Variants in KIF15 observed in about 807,000 individuals in gnomAD.
The protein encoded by KIF15 is kinesin-like protein KIF15.
In KIF15, 140 loss-of-function variants were observed where a neutral mutation model predicts 190.6. That is an observed-to-expected ratio of 0.73 (90% CI 0.64 to 0.84). The LOEUF (loss-of-function observed/expected upper bound fraction) is 0.84, where lower values mean the gene tolerates loss of function less well. KIF15 is among the 40% of genes least tolerant of loss of function. The pLI is 0.00. For synonymous variants in KIF15, 528 were observed against 551.3 expected (o/e 0.96, Z 0.59); for missense variants, 1,372 against 1,584.4 (o/e 0.87, Z 2.28).
intron 20 of KIF15, among the ~76,000 whole-genome samples, chr3:44,823,854 A>G (rs1405535989): frequency 1.3e-5 from 2 of 152,170 alleles, no homozygotes; most frequent in East Asian, 1.9e-4. Context: ...ATGCCATTTG[A>G]TAAGACCATT....
chr3:44,784,243 C>T (rs1157292799), intron 5 of KIF15, among the ~76,000 whole-genome samples: 1 of 152,180 alleles, frequency 6.6e-6, no homozygotes, highest in Non-Finnish European at 1.5e-5. Context: ...GCCATCTCGG[C>T]TCACTGCAAG....
intron 19 of KIF15, 141 bp downstream of exon 19, chr3:44,813,321 T>G: frequency 1.1e-5 from 6 of 530,948 alleles, no homozygotes; most frequent in East Asian, 7.0e-5. Flanking sequence ...AGACTGCAGT[T>G]TGCATGCAGT....
chr3:44,776,283 G>A (rs1309401045), intron 3 of KIF15, among the ~76,000 whole-genome samples: 3 of 148,938 alleles, frequency 2.0e-5, no homozygotes, highest in Admixed American at 6.7e-5. Context: ...AATTATGGGC[G>A]TAGTGGCACA....
chr3:44,802,874 A>G lies in KIF15; in HGVS notation c.1570A>G (p.Asn524Asp). 2 of 1,611,694 alleles carry G rather than the reference A, an allele frequency of 1.2e-6. No homozygotes were observed. Among genetic ancestry groups the G allele is most frequent in the Non-Finnish European group, 1.7e-6 (2 of 1,179,438 alleles). Residue 524 changes from asparagine to aspartate, a missense_variant, in exon 14 of 35, where the codon AAT becomes GAT. Coordinates refer to ENST00000326047, the MANE Select transcript of KIF15 (RefSeq NM_020242.3). ...GGAAAATCATTCCCTCAGGGAGGAG[A>G]ATAGAAGACTGAGATTATTAGAGCC... The part of the protein sequence containing the change: ...AMENHSLREE[N>D]RRLRLLEPVK...
chr3:44,773,897 T>C (rs1705749585), intron 1 of KIF15, among the ~76,000 whole-genome samples: 1 of 152,002 alleles, frequency 6.6e-6, no homozygotes. Context: ...AAAAGAACGC[T>C]CTCAATGAAA....
In KIF15 at chr3:44,802,181, C is replaced by G. The variant is rs373860588; in HGVS notation, c.1509+207C>G. ...GAAGGAAGAAGTTGTGGTGACATTG[C>G]TACATAGTATGCTACTCTAGCAGGC... On this transcript the variant is annotated intron_variant, in intron 13 of 34. Transcript: ENST00000326047. 2.2e-4 allele frequency among the ~76,000 whole-genome samples: 33 copies of G among 152,264 alleles called. No homozygotes were observed. The East Asian group carries it at 6.4e-3, about 29-fold the overall frequency.
rs1299883223 is a variant in KIF15, at chr3:44,853,195, C to G, written c.*460C>G. 1 of 152,226 alleles carries G rather than the reference C, an allele frequency of 6.6e-6. No individual in the cohort carries two copies. Among genetic ancestry groups the G allele is most frequent in the Non-Finnish European group, 1.5e-5 (1 of 68,126 alleles). 9.4% of individuals were successfully genotyped at this position (152,226 alleles called of 1,614,324 possible). On this transcript the variant is annotated 3_prime_UTR_variant, in exon 35 of 35. Coordinates refer to ENST00000326047, the MANE Select transcript of KIF15 (RefSeq NM_020242.3). ...AATATAGATTATTTTTGTATTCTTA[C>G]TTTAGGTATTTTCTTGAGCATTTTC...
chr3:44,860,961 G>A (rs1699235956), intron 6 of KIF15, among the ~76,000 whole-genome samples: 1 of 152,062 alleles, frequency 6.6e-6, no homozygotes, highest in South Asian at 2.1e-4. Context: ...TTATTTTCAA[G>A]GACGTGTACT....
intron 26 of KIF15, among the ~76,000 whole-genome samples, chr3:44,832,820 G>A (rs1324640615): frequency 6.6e-6 from 1 of 151,982 alleles, no homozygotes; most frequent in Non-Finnish European, 1.5e-5. Context: ...TTCCAGACCA[G>A]CCTGGCCAAC....
At chr3:44,783,761 A>G (rs574087536) in intron 5 of KIF15, among the ~76,000 whole-genome samples, 96 of 152,332 alleles carry the variant, frequency 6.3e-4, no homozygotes, top group Admixed American at 6.1e-3. Context: ...ACCAAAGACA[A>G]CTATTATATT....
intron 27 of KIF15, among the ~76,000 whole-genome samples, chr3:44,838,631 C>G (rs1698441527): frequency 6.6e-6 from 1 of 151,854 alleles, no homozygotes; most frequent in South Asian, 2.1e-4. Flanking sequence ...ACCTGTAATC[C>G]CAGCTACTTG....
chr3:44,822,363 T>A (rs1575648238), intron 20 of KIF15, among the ~76,000 whole-genome samples: 1 of 152,224 alleles, frequency 6.6e-6, no homozygotes, highest in Non-Finnish European at 1.5e-5. Context: ...GAGTTTCTGC[T>A]GAGAGATCCG....
At chr3:44,852,371 G>T (rs371614727) in intron 34 of KIF15, 32 bp downstream of exon 34, 1 of 1,574,164 alleles carries the variant, frequency 6.4e-7, no homozygotes, top group Non-Finnish European at 8.6e-7. Flanking sequence ...AATAAATTCT[G>T]TCTGGTTTAA....
rs184333328 is a variant in KIF15 at position 44,818,288 on chromosome 3, G to T, written c.2549+3212G>T. The stretch of plus-strand genomic sequence containing the variant: ...GAACTTCCAACACTATATTGAAGAG[G>T]AGTGGTAAGAGAGGGCATCCCTGTC... On this transcript the variant is annotated intron_variant, in intron 20 of 34. Coordinates refer to ENST00000326047, the MANE Select transcript of KIF15 (RefSeq NM_020242.3). Among the ~76,000 whole-genome samples the T allele has an allele frequency of 3.9e-4, 60 of 152,306 alleles. 1 individual carries two copies. The highest frequency in any genetic ancestry group is 1.4e-3 in the African/African-American group (57 of 41,558).
chr3:44,839,366 C>T (rs1698481741), intron 27 of KIF15, among the ~76,000 whole-genome samples: 1 of 151,212 alleles, frequency 6.6e-6, no homozygotes, highest in African/African-American at 2.4e-5. Context: ...GAGAGAGACT[C>T]CATCTCAAAA....
intron 30 of KIF15, among the ~76,000 whole-genome samples, chr3:44,846,227 C>T (rs367820633): frequency 3.3e-5 from 5 of 152,222 alleles, no homozygotes; most frequent in African/African-American, 1.2e-4. Context: ...TGAACTCAGC[C>T]AAGCACAGTT....
chr3:44,838,303 A>T lies in KIF15; in HGVS notation c.3200A>T (p.His1067Leu). 2.5e-6 allele frequency: 4 copies of T among 1,613,672 alleles called. No homozygotes were observed. The highest frequency in any genetic ancestry group is 3.4e-6 in the Non-Finnish European group (4 of 1,179,842). Residue 1067 changes from histidine (H) to leucine (L), a missense_variant, in exon 27 of 35, where the codon CAT (histidine) becomes CTT (leucine). His to Leu is a moderately conservative substitution (Grantham distance 99, BLOSUM62 -3). Coordinates refer to ENST00000326047, the MANE Select transcript of KIF15 (RefSeq NM_020242.3). Reference sequence around the variant, plus strand: ...GATATGCTCTGTGAGGACCTGGCTCATGCCACTGAGCAGCTGAACATGCTC... The same window carrying T: ...GATATGCTCTGTGAGGACCTGGCTCTTGCCACTGAGCAGCTGAACATGCTC... ...ERDMLCEDLA[H>L]ATEQLNMLTE...
chr3:44,841,655 C>T (rs1269914186), intron 29 of KIF15, among the ~76,000 whole-genome samples: 1 of 152,144 alleles, frequency 6.6e-6, no homozygotes, highest in Non-Finnish European at 1.5e-5. Flanking sequence ...ACCTCAGCCT[C>T]CCAAAGTGCT....
At chr3:44,825,050 G>A (rs1697567423) in intron 20 of KIF15, among the ~76,000 whole-genome samples, 3 of 152,166 alleles carry the variant, frequency 2.0e-5, no homozygotes. Flanking sequence ...ATGAGCCACT[G>A]TGCCCAGCCT....
Sources: gnomAD v4.1 joint callset for allele counts (sites outside exome capture counted in the v4.1 genomes callset) on GRCh38, gnomAD v4.1.1 for gene constraint, MANE v1.5 for transcripts, NCBI Gene and HGNC (gene_info 2026-07-23, HGNC 2026-07-21) for gene names.